SEC14L3: variants seen among roughly 807,000 people sequenced by gnomAD.
SEC14L3 encodes SEC14-like protein 3.
In SEC14L3, 56 loss-of-function variants were observed where a neutral mutation model predicts 57.4. That is an observed-to-expected ratio of 0.97 (90% CI 0.79 to 1.22). SEC14L3 has a LOEUF of 1.22. SEC14L3 is among the 50% of genes most tolerant of loss of function. The pLI, the probability that SEC14L3 is intolerant of heterozygous loss-of-function variation, is 0.00. For missense variants in SEC14L3, 485 were observed against 511.7 expected (o/e 0.95, Z 0.50); for synonymous variants, 173 against 194.4 (o/e 0.89, Z 0.92).
At chr22:30,471,856 C>G in intron 1 of SEC14L3, 49 bp downstream of exon 1, 4 of 1,612,756 alleles carry the variant, frequency 2.5e-6, no homozygotes, top group Non-Finnish European at 3.4e-6. Context: ...TTCCACCCCC[C>G]AGCCCCTTTC....
At chr22:30,466,035 G>C (rs1935406792) in intron 7 of SEC14L3, among the ~76,000 whole-genome samples, 1 of 152,228 alleles carries the variant, frequency 6.6e-6, no homozygotes, top group African/African-American at 2.4e-5. Flanking sequence ...AACAGGGAAG[G>C]CTGCACCAGT....
intron 7 of SEC14L3, among the ~76,000 whole-genome samples, chr22:30,465,290 T>C (rs532265032): frequency 8.5e-4 from 129 of 152,232 alleles, no homozygotes; most frequent in African/African-American, 2.8e-3. Context: ...ACCTACCAAA[T>C]AGTCAACCAT....
chr22:30,468,490 A>C lies in SEC14L3; in HGVS notation c.423+18T>G. ...TCACCTGCCCCCAGCCATCCACCCCACCTGGCCTGGACCTCACCCTCTCTG... is the reference window on the plus strand; with the variant it reads ...TCACCTGCCCCCAGCCATCCACCCCCCCTGGCCTGGACCTCACCCTCTCTG... On this transcript the variant is annotated intron_variant, in intron 5 of 11. Transcript: ENST00000215812. 6.3e-7 allele frequency: 1 copy of C among 1,595,386 alleles called. No individual in the cohort carries two copies.
In SEC14L3 at chr22:30,459,532, C is replaced by T; in HGVS notation, c.*489G>A. 1 of 986,230 alleles carries T rather than the reference C, an allele frequency of 1.0e-6. No individual in the cohort carries two copies. Among genetic ancestry groups the T allele is most frequent in the Non-Finnish European group, 1.2e-6 (1 of 830,402 alleles). 61.1% of individuals were successfully genotyped at this position (986,230 alleles called of 1,614,324 possible). A position where few individuals can be genotyped will look rare whatever the true frequency, so the allele number is the denominator to read the frequency against. On this transcript the variant is annotated 3_prime_UTR_variant, in exon 12 of 12. Coordinates refer to ENST00000215812, the MANE Select transcript of SEC14L3 (RefSeq NM_174975.5). The stretch of plus-strand genomic sequence containing the variant: ...GGTGCTGAAATCCACCCCACATAGG[C>T]TCCTCCTAATCATGTACAGCTGTTG...
Position 30,459,989 on chromosome 22 carries a change from G to C in SEC14L3, c.*32C>G. On this transcript the variant is annotated 3_prime_UTR_variant, in exon 12 of 12. Transcript: ENST00000215812. ...AGGATATAAACAGAGAAATCAAAGG[G>C]TTAGGAGGTCTCTGAGAAATGAGGG... 6.2e-7 allele frequency: 1 copy of C among 1,611,952 alleles called. No individual in the cohort carries two copies. Among genetic ancestry groups the C allele is most frequent in the Non-Finnish European group, 8.5e-7 (1 of 1,178,722 alleles).
rs758250906 is a variant in SEC14L3 at position 30,460,186 on chromosome 22, C to G, written c.1082-44G>C. 5 of 1,601,964 alleles carry G rather than the reference C, an allele frequency of 3.1e-6. No individual in the cohort carries two copies. In the African/African-American group the frequency reaches 6.7e-5, roughly 21 times the overall value. ...GAGGGGCATTGGGCTTGGCTTTACACACTCTTTTTTCCACCCCTGGCCATG... is the reference window on the plus strand; with the variant it reads ...GAGGGGCATTGGGCTTGGCTTTACAGACTCTTTTTTCCACCCCTGGCCATG... On this transcript the variant is annotated intron_variant, in intron 11 of 11. Transcript: ENST00000215812.
At chr22:30,469,941 TGCC>T (rs775667786) in intron 4 of SEC14L3, 75 bp downstream of exon 4, 90 of 1,118,720 alleles carry the variant, frequency 8.0e-5, no homozygotes, top group Non-Finnish European at 1.0e-4. Flanking sequence ...TCAGGCTTGC[TGCC>T]CCTCATTCAT....
chr22:30,451,158 G>A (rs944991519), intron 12 of SEC14L3, among the ~76,000 whole-genome samples: 3 of 152,248 alleles, frequency 2.0e-5, no homozygotes, highest in African/African-American at 7.2e-5. Context: ...CAGGGGGGCT[G>A]CCGGGGGTGG....
chr22:30,452,046 A>T (rs1174346061), intron 12 of SEC14L3, among the ~76,000 whole-genome samples: 1 of 148,898 alleles, frequency 6.7e-6, no homozygotes, highest in African/African-American at 2.4e-5. Flanking sequence ...AGAAAGAAGA[A>T]AGGAAAAGAA....
intron 1 of SEC14L3, chr22:30,471,243 C>T (rs1471819269): frequency 2.2e-6 from 1 of 451,992 alleles, no homozygotes; most frequent in African/African-American, 2.0e-5. Flanking sequence ...TGAGATCGCT[C>T]CACAGCACTC....
At position 30,466,976 on chromosome 22, in the gene SEC14L3, C is replaced by T. The variant is rs776705288; in HGVS notation, c.519+6G>A. 5.0e-6 allele frequency: 8 copies of T among 1,613,118 alleles called. No individual in the cohort carries two copies. The South Asian group carries it at 7.7e-5, about 16-fold the overall frequency. The stretch of plus-strand genomic sequence containing the variant: ...AGCGGGGGGTGGCCCTAGGACTTCT[C>T]CTTACCTCCTGGTACACTTCTACCA... On this transcript the variant is annotated splice_donor_region_variant and intron_variant, in intron 6 of 11. Coordinates refer to ENST00000215812, the MANE Select transcript of SEC14L3 (RefSeq NM_174975.5).
At chr22:30,451,490 G>A (rs1170824277) in intron 12 of SEC14L3, among the ~76,000 whole-genome samples, 1 of 152,078 alleles carries the variant, frequency 6.6e-6, no homozygotes, top group Non-Finnish European at 1.5e-5. Flanking sequence ...AGGCTCCAAA[G>A]AGTTAAAGAA....
downstream of SEC14L3, among the ~76,000 whole-genome samples, chr22:30,454,475 A>C (rs13054370): frequency 4.9e-5 from 7 of 144,164 alleles, no homozygotes; most frequent in Middle Eastern, 6.6e-3. Flanking sequence ...TTCTCTCTCT[A>C]TATAATCTAT....
chr22:30,467,176 C>T (rs5997653), intron 5 of SEC14L3, 99 bp from the exon 6 acceptor site: 956,602 of 1,536,704 alleles, frequency 0.62, 304,106 homozygotes, highest in East Asian at 0.88. Context: ...TTCTAGACCC[C>T]GACTCTGTCC....
chr22:30,454,518 T>TTATTATATATAATCTATAATAATAA (rs1935045155), downstream of SEC14L3, among the ~76,000 whole-genome samples: 1 of 123,090 alleles, frequency 8.1e-6, no homozygotes, highest in Non-Finnish European at 1.6e-5. Context: ...TATAATAATA[T>TTATTATATATAATCTATAATAATAA]TATTATATAT....
At chr22:30,471,642 C>A (rs1053440261) in intron 1 of SEC14L3, among the ~76,000 whole-genome samples, 3 of 152,164 alleles carry the variant, frequency 2.0e-5, no homozygotes, top group Non-Finnish European at 4.4e-5. Flanking sequence ...GTTCTGGCTC[C>A]TGGATGAGAA....
chr22:30,464,768 T>C, intron 8 of SEC14L3, 52 bp downstream of exon 8: 2 of 1,557,086 alleles, frequency 1.3e-6, no homozygotes, highest in East Asian at 2.3e-5. Flanking sequence ...TGGGACAACC[T>C]CACTCCAAAG....
At chr22:30,465,889 T>C (rs998329303) in intron 7 of SEC14L3, among the ~76,000 whole-genome samples, 3 of 152,180 alleles carry the variant, frequency 2.0e-5, no homozygotes, top group African/African-American at 7.2e-5. Flanking sequence ...CTATGGAGCA[T>C]CCACCATGGA....
intron 8 of SEC14L3, 49 bp from the exon 9 acceptor site, chr22:30,462,241 A>G (rs756408435): frequency 3.1e-5 from 48 of 1,561,108 alleles, no homozygotes; most frequent in Middle Eastern, 1.8e-4. Context: ...GGGGGCACCA[A>G]TTAGCCTCCC....
Sources: allele counts gnomAD v4.1 joint callset (sites outside exome capture counted in the v4.1 genomes callset), GRCh38; gene constraint gnomAD v4.1.1; transcripts MANE v1.5; gene names NCBI Gene and HGNC (gene_info 2026-07-23, HGNC 2026-07-21).